The following ZC3H3 variants were observed in gnomAD, a reference collection of about 807,000 sequenced individuals.
ZC3H3 encodes zinc finger CCCH domain-containing protein 3.
A neutral mutation model predicts 77.3 loss-of-function variants in ZC3H3; 36 were observed. The observed-to-expected ratio is 0.47, with a 90% CI of 0.36 to 0.61. The LOEUF (loss-of-function observed/expected upper bound fraction) is 0.61. ZC3H3 is among the 20% of genes least tolerant of loss of function. The pLI is 0.00. For missense variants in ZC3H3, 1,331 were observed against 1,312.2 expected (o/e 1.01, Z -0.22); for synonymous variants, 626 against 555.2 (o/e 1.13, Z -1.79).
intron 5 of ZC3H3, among the ~76,000 whole-genome samples, chr8:143,470,217 T>G (rs1343956941): frequency 1.3e-5 from 2 of 152,200 alleles, no homozygotes; most frequent in East Asian, 3.8e-4. Flanking sequence ...TCAGGGGCCC[T>G]GCCTACTGTC....
intron 4 of ZC3H3, among the ~76,000 whole-genome samples, chr8:143,477,196 G>A (rs1427230028): frequency 6.6e-6 from 1 of 152,252 alleles, no homozygotes; most frequent in Non-Finnish European, 1.5e-5. Flanking sequence ...GAGAATGGGA[G>A]CAGAGAGAGC....
At chr8:143,476,416 G>C (rs1412591672) in intron 4 of ZC3H3, among the ~76,000 whole-genome samples, 1 of 152,176 alleles carries the variant, frequency 6.6e-6, no homozygotes, top group Admixed American at 6.5e-5. Flanking sequence ...CCTGAGCCCT[G>C]GCAGCCCCCA....
intron 3 of ZC3H3, among the ~76,000 whole-genome samples, chr8:143,527,191 C>A (rs1225420760): frequency 1.3e-5 from 2 of 152,304 alleles, no homozygotes; most frequent in South Asian, 4.1e-4. Flanking sequence ...CTGAGAGAGG[C>A]CACCAGGGTG....
chr8:143,441,227 A>G, intron 9 of ZC3H3, 107 bp from the exon 10 acceptor site: 1 of 1,190,246 alleles, frequency 8.4e-7, no homozygotes, highest in Non-Finnish European at 1.1e-6. Context: ...ACGGGGCCCC[A>G]TAGGCTCCGT....
chr8:143,527,267 C>A (rs11783681), intron 3 of ZC3H3, among the ~76,000 whole-genome samples: 2 of 152,072 alleles, frequency 1.3e-5, no homozygotes, highest in Non-Finnish European at 2.9e-5. Flanking sequence ...AGACACGTGA[C>A]TGGGGGGATG....
intron 4 of ZC3H3, among the ~76,000 whole-genome samples, chr8:143,485,609 A>G (rs371351560): frequency 3.4e-4 from 52 of 152,372 alleles, no homozygotes; most frequent in African/African-American, 1.2e-3. Context: ...AGAAAACATG[A>G]ATGTGGGATA....
At chr8:143,520,822 G>C (rs990790332) in intron 3 of ZC3H3, among the ~76,000 whole-genome samples, 1 of 152,208 alleles carries the variant, frequency 6.6e-6, no homozygotes, top group Non-Finnish European at 1.5e-5. Flanking sequence ...CTGACAGGCA[G>C]CTCACGGTGC....
chr8:143,514,709 G>A (rs938738908), intron 3 of ZC3H3, among the ~76,000 whole-genome samples: 2 of 152,190 alleles, frequency 1.3e-5, no homozygotes, highest in Non-Finnish European at 2.9e-5. Flanking sequence ...CCCAGCCCAG[G>A]AGCTGGGCTC....
chr8:143,518,344 C>T lies in ZC3H3; in HGVS notation c.1562-10445G>A, dbSNP rs139085494. Reference sequence around the variant, plus strand: ...AACAGATCTGGGGCCAACTGGCTGCCGGGCGGCACGGAGACCCAGCTCCGC... The same window carrying T: ...AACAGATCTGGGGCCAACTGGCTGCTGGGCGGCACGGAGACCCAGCTCCGC... On this transcript the variant is annotated intron_variant, in intron 3 of 11. Transcript: ENST00000262577. 1.2e-3 allele frequency among the ~76,000 whole-genome samples: 185 copies of T among 152,352 alleles called. 2 individuals carry two copies. The East Asian group carries it at 0.027, about 22-fold the overall frequency.
chr8:143,522,511 G>A (rs756741783), intron 3 of ZC3H3, among the ~76,000 whole-genome samples: 22 of 152,180 alleles, frequency 1.4e-4, no homozygotes, highest in Non-Finnish European at 3.1e-4. Context: ...GCTGAGGTGG[G>A]AGAATCTCTT....
intron 3 of ZC3H3, among the ~76,000 whole-genome samples, chr8:143,519,818 G>A (rs1487556790): frequency 1.3e-5 from 2 of 152,184 alleles, no homozygotes; most frequent in African/African-American, 4.8e-5. Flanking sequence ...GGGCCCAAAG[G>A]CTGCACTGCA....
At chr8:143,503,279 C>T (rs1036185067) in intron 4 of ZC3H3, among the ~76,000 whole-genome samples, 2 of 152,196 alleles carry the variant, frequency 1.3e-5, no homozygotes, top group Non-Finnish European at 2.9e-5. Flanking sequence ...GGCATACAGG[C>T]ACTGCTCCTT....
At chr8:143,448,035 G>A (rs1298214056) in intron 9 of ZC3H3, among the ~76,000 whole-genome samples, 1 of 152,232 alleles carries the variant, frequency 6.6e-6, no homozygotes, top group Non-Finnish European at 1.5e-5. Context: ...GACTGAGGCA[G>A]AATTGCTTAA....
chr8:143,534,604 C>T (rs2130509096), intron 3 of ZC3H3, among the ~76,000 whole-genome samples: 1 of 152,286 alleles, frequency 6.6e-6, no homozygotes, highest in Middle Eastern at 3.4e-3. Context: ...TCCTAGGGCT[C>T]AGCAGACCCT....
rs189358279 is a variant in ZC3H3 at position 143,457,425 on chromosome 8, A to G, written c.2307+8292T>C. 7.0e-4 allele frequency among the ~76,000 whole-genome samples: 107 copies of G among 152,294 alleles called. 1 individual carries two copies. In the East Asian group the frequency reaches 0.015, roughly 21 times the overall value. On this transcript the variant is annotated intron_variant, in intron 9 of 11. Transcript: ENST00000262577. ...GCAAAGAGAAAATCTCAAGGGAAGT[A>G]AAACAAACAAAAAAAAATCACAGGA... is the stretch of plus-strand genomic sequence containing the variant.
intron 9 of ZC3H3, among the ~76,000 whole-genome samples, chr8:143,464,554 C>T (rs147006345): frequency 7.9e-4 from 120 of 152,272 alleles, no homozygotes; most frequent in African/African-American, 2.3e-3. Flanking sequence ...GGAAGGAGTG[C>T]GTGGCCCAGC....
Position 143,507,846 on chromosome 8 carries a change from G to A in ZC3H3, c.1615C>T (p.Arg539Cys). 4.3e-6 allele frequency: 7 copies of A among 1,610,478 alleles called. No homozygotes were observed. The highest frequency in any genetic ancestry group is 3.3e-5 in the South Asian group (3 of 90,824). ...TAPTSKVIKTRYRIVKKTPAS... is the reference protein window; with the variant it reads ...TAPTSKVIKTCYRIVKKTPAS... ...GGCGTCTTCTTGACAATGCGGTAGCGGGTCTTGATCACCTTGCTGGTGGGT... is the reference window on the plus strand; with the variant it reads ...GGCGTCTTCTTGACAATGCGGTAGCAGGTCTTGATCACCTTGCTGGTGGGT... The change falls in exon 4 of 12, where the codon CGC (arginine) becomes TGC (cysteine). Residue 539 changes from arginine (R) to cysteine (C), a missense_variant. Arg to Cys is a radical substitution (Grantham distance 180, BLOSUM62 -3). Around this residue, in one of 3 missense-constraint regions of ZC3H3, gnomAD observed 978 missense variants for 915.5 expected, o/e 1.07. Transcript: ENST00000262577.
intron 3 of ZC3H3, chr8:143,523,389 G>A (rs1278057224): frequency 8.1e-6 from 8 of 985,314 alleles, no homozygotes; most frequent in South Asian, 4.7e-5. Flanking sequence ...CTGCCGCGAC[G>A]CCCCTGCAGT....
chr8:143,445,267 G>C (rs535527647), intron 9 of ZC3H3, among the ~76,000 whole-genome samples: 9 of 152,072 alleles, frequency 5.9e-5, no homozygotes, highest in African/African-American at 1.9e-4. Flanking sequence ...TGTAATCCCA[G>C]CTACTCAGGA....
Sources: allele counts gnomAD v4.1 joint callset (sites outside exome capture counted in the v4.1 genomes callset), GRCh38; gene constraint gnomAD v4.1.1; regional missense constraint gnomAD v4.1.1; transcripts MANE v1.5; gene names NCBI Gene and HGNC (gene_info 2026-07-23, HGNC 2026-07-21).